The following CNTNAP2 variants were observed in gnomAD, a reference collection of about 807,000 sequenced individuals.
CNTNAP2 encodes the protein contactin associated protein 2.
In CNTNAP2, 98 loss-of-function variants were observed where a neutral mutation model predicts 155.2. That is an observed-to-expected ratio of 0.63 (90% confidence interval 0.54 to 0.75). The LOEUF (loss-of-function observed/expected upper bound fraction) is 0.75. CNTNAP2 is among the 30% of genes least tolerant of loss of function. The probability of loss-of-function intolerance (pLI) is 0.00; values close to 1 mark genes in which losing one functional copy is unlikely to be tolerated. For synonymous variants in CNTNAP2, 651 were observed against 631.2 expected, an observed-to-expected ratio of 1.03 and a Z score of -0.47; for missense variants, 1,727 against 1,688.1, an observed-to-expected ratio of 1.02 and a Z score of -0.40.
chr7:148,244,927 ATATAG>A (rs1796228098), intron 20 of CNTNAP2, among the ~76,000 whole-genome samples: 1 of 152,112 alleles, frequency 6.6e-6, no homozygotes, highest in Non-Finnish European at 1.5e-5. Context: ...TATAGATTAC[ATATAG>A]TAGTCTATAT....
intron 2 of CNTNAP2, among the ~76,000 whole-genome samples, chr7:146,816,425 C>T (rs1803170931): frequency 6.6e-6 from 1 of 152,098 alleles, no homozygotes; most frequent in African/African-American, 2.4e-5. Context: ...GGAACTCAGC[C>T]TGAAAGTATT....
intron 13 of CNTNAP2, among the ~76,000 whole-genome samples, chr7:147,832,609 ATTATATTT>A (rs1011231388): frequency 1.4e-4 from 21 of 145,928 alleles, no homozygotes; most frequent in African/African-American, 3.5e-4. Flanking sequence ...GTTTCAATAT[ATTATATTT>A]TTATATTTTT....
chr7:146,633,234 C>G (rs1247254160), intron 1 of CNTNAP2, among the ~76,000 whole-genome samples: 1 of 152,196 alleles, frequency 6.6e-6, no homozygotes, highest in South Asian at 2.1e-4. Flanking sequence ...TTCCACAATT[C>G]TAATTAAAAT....
intron 13 of CNTNAP2, among the ~76,000 whole-genome samples, chr7:147,821,683 G>T (rs1798363407): frequency 6.6e-6 from 1 of 152,058 alleles, no homozygotes; most frequent in African/African-American, 2.4e-5. Context: ...CAAAGGAAAA[G>T]GCCCTGAAAA....
In CNTNAP2 at chr7:146,748,143, C is replaced by CTTTTTTTTTTTT. The variant is rs61495352; in HGVS notation, c.98-26119_98-26108dup. ...GTGGTGTTTTCTTTTCTTTTCTTTTCTTTTTTTTTTTTTTTTTTTTGAGAA... is the reference window on the plus strand; with the variant it reads ...GTGGTGTTTTCTTTTCTTTTCTTTTCTTTTTTTTTTTTTTTTTTTTTTTTTTTTTTTTGAGAA... On this transcript the variant is annotated intron_variant, in intron 1 of 23. Transcript: ENST00000361727. Among the ~76,000 whole-genome samples, 128 of 97,958 alleles carry CTTTTTTTTTTTT rather than the reference C, an allele frequency of 1.3e-3. 1 individual carries two copies. The highest frequency in any genetic ancestry group is 2.6e-3 in the African/African-American group (64 of 24,198). The allele number at this position is 97,958 out of a possible 152,430, so 64.3% of individuals were successfully genotyped here. A position where few individuals can be genotyped will look rare whatever the true frequency, so the allele number is the denominator to read the frequency against.
intron 22 of CNTNAP2, among the ~76,000 whole-genome samples, chr7:148,395,364 C>T (rs1799446191): frequency 6.6e-6 from 1 of 152,018 alleles, no homozygotes; most frequent in African/African-American, 2.4e-5. Context: ...TCTTAAACTC[C>T]AGCCATGCTC....
rs1231108313 is a variant in CNTNAP2, at chr7:146,151,663, T to C, written c.97+34690T>C. Among the ~76,000 whole-genome samples, 89 of 43,994 alleles carry C rather than the reference T, an allele frequency of 2.0e-3. 2 individuals carry two copies. Among genetic ancestry groups the C allele is most frequent in the East Asian group, 0.013 (19 of 1,498 alleles). 28.9% of individuals were successfully genotyped at this position (43,994 alleles called of 152,430 possible). On this transcript the variant is annotated intron_variant, in intron 1 of 23. Coordinates refer to ENST00000361727, the MANE Select transcript of CNTNAP2 (RefSeq NM_014141.6). ...ATATATATATATATATATATATATA[T>C]ATATATATATATATATATGTATATA... is the stretch of plus-strand genomic sequence containing the variant.
chr7:146,337,235 T>C (rs755929715), intron 1 of CNTNAP2, among the ~76,000 whole-genome samples: 7 of 152,126 alleles, frequency 4.6e-5, no homozygotes, highest in South Asian at 4.2e-4. Context: ...CTTTATTACT[T>C]CTGGGATATG....
chr7:146,526,985 C>A (rs1359381781), intron 1 of CNTNAP2, among the ~76,000 whole-genome samples: 1 of 151,926 alleles, frequency 6.6e-6, no homozygotes, highest in African/African-American at 2.4e-5. Context: ...AATTCCTAGG[C>A]TCAGTCAGTT....
intron 4 of CNTNAP2, among the ~76,000 whole-genome samples, chr7:147,099,193 C>A (rs1425007343): frequency 1.3e-5 from 2 of 152,042 alleles, no homozygotes; most frequent in Middle Eastern, 3.2e-3. Context: ...GTACCTGATT[C>A]TGGGATGAAT....
At chr7:148,255,299 G>A (rs1320056134) in intron 20 of CNTNAP2, among the ~76,000 whole-genome samples, 1 of 152,180 alleles carries the variant, frequency 6.6e-6, no homozygotes, top group Non-Finnish European at 1.5e-5. Context: ...TATAGTGCTT[G>A]AGCCATTGTG....
At position 147,772,421 on chromosome 7, in the gene CNTNAP2, A is replaced by AAT. The variant is rs1261134295; in HGVS notation, c.2099-131135_2099-131134dup. Among the ~76,000 whole-genome samples the AAT allele has an allele frequency of 5.3e-5, 7 of 132,130 alleles. No individual in the cohort carries two copies. In the South Asian group the frequency reaches 9.6e-4, roughly 18 times the overall value. The allele number at this position is 132,130 out of a possible 152,430, so 86.7% of individuals were successfully genotyped here. A position where few individuals can be genotyped will look rare whatever the true frequency, so the allele number is the denominator to read the frequency against. ...TCTAAAAAAAAAAATATATATATAT[A>AAT]ATATATATATTATTCTCTCTCTCGC... On this transcript the variant is annotated intron_variant, in intron 13 of 23. Coordinates refer to ENST00000361727, the MANE Select transcript of CNTNAP2 (RefSeq NM_014141.6).
intron 1 of CNTNAP2, among the ~76,000 whole-genome samples, chr7:146,651,519 A>G (rs1799911847): frequency 6.6e-6 from 1 of 152,206 alleles, no homozygotes. Context: ...CATGTGGGGA[A>G]AAAACTTGCT....
At chr7:147,364,805 C>T (rs576340380) in intron 9 of CNTNAP2, among the ~76,000 whole-genome samples, 2 of 151,074 alleles carry the variant, frequency 1.3e-5, no homozygotes. Flanking sequence ...GCCGAGATCG[C>T]GCCACTGCAC....
chr7:148,202,605 G>A (rs1424348074), intron 18 of CNTNAP2, among the ~76,000 whole-genome samples: 9 of 152,130 alleles, frequency 5.9e-5, no homozygotes, highest in Admixed American at 3.9e-4. Flanking sequence ...CATCTACAAA[G>A]GGGAAAAAGC....
At chr7:146,491,327 A>G (rs1797136294) in intron 1 of CNTNAP2, among the ~76,000 whole-genome samples, 1 of 152,116 alleles carries the variant, frequency 6.6e-6, no homozygotes, top group Admixed American at 6.5e-5. Flanking sequence ...GTATAATAAC[A>G]TAACAATGCT....
At chr7:146,359,810 G>A (rs545750083) in intron 1 of CNTNAP2, among the ~76,000 whole-genome samples, 2 of 152,220 alleles carry the variant, frequency 1.3e-5, no homozygotes, top group Admixed American at 6.5e-5. Flanking sequence ...GTGTGCGTGC[G>A]TGCGCATGCA....
Position 147,478,992 on chromosome 7 carries a change from C to T in CNTNAP2, c.1671-6943C>T, listed in dbSNP as rs542081953. ...AGATACTTGAGCAAGAGCAGGGTGA[C>T]GACAGGAAGAAAGGGGAAAGGGCTG... On this transcript the variant is annotated intron_variant, in intron 10 of 23. Transcript: ENST00000361727. 1.7e-4 allele frequency among the ~76,000 whole-genome samples: 26 copies of T among 152,276 alleles called. No homozygotes were observed. In the East Asian group the frequency reaches 3.3e-3, roughly 19 times the overall value.
At chr7:146,622,279 C>CTATATA (rs3077441) in intron 1 of CNTNAP2, among the ~76,000 whole-genome samples, 1 of 100,550 alleles carries the variant, frequency 9.9e-6, no homozygotes, top group Non-Finnish European at 2.1e-5. Flanking sequence ...ATCTATCTAT[C>CTATATA]TATATATATA....
Sources: gnomAD v4.1 joint callset for allele counts (sites outside exome capture counted in the v4.1 genomes callset) on GRCh38, gnomAD v4.1.1 for gene constraint, MANE v1.5 for transcripts, NCBI Gene and HGNC (gene_info 2026-07-23, HGNC 2026-07-21) for gene names.